The following MYO1D variants were observed in gnomAD, a reference collection of about 807,000 sequenced individuals.
The protein encoded by MYO1D is unconventional myosin-Id.
Under a neutral mutation model 122.0 loss-of-function variants are expected in MYO1D, and 83 were observed. The ratio of observed to expected loss-of-function variants is 0.68; its 90% confidence interval spans 0.57 to 0.82. The LOEUF is 0.82. MYO1D is among the 40% of genes least tolerant of loss of function. MYO1D has a pLI of 0.00. For synonymous variants in MYO1D, 464 were observed against 446.9 expected (o/e 1.04, Z -0.48); for missense variants, 1,157 against 1,269.5 (o/e 0.91, Z 1.35).
At chr17:32,507,299 G>A (rs1019651012) in intron 21 of MYO1D, among the ~76,000 whole-genome samples, 1 of 152,130 alleles carries the variant, frequency 6.6e-6, no homozygotes, top group Non-Finnish European at 1.5e-5. Context: ...AGCTACTCGG[G>A]AGGCTGAGGT....
In MYO1D at chr17:32,645,953, C is replaced by T. The variant is rs535908248; in HGVS notation, c.2596-7118G>A. 2.0e-3 allele frequency among the ~76,000 whole-genome samples: 301 copies of T among 152,268 alleles called. 1 individual carries two copies. Among genetic ancestry groups the T allele is most frequent in the South Asian group, 8.9e-3 (43 of 4,832 alleles). ...TTGTTCCATTGCTGGTGAGGAGCTG[C>T]GTTCCTTTGGAGGAGGAGAGGTGCT... is the stretch of plus-strand genomic sequence containing the variant. On this transcript the variant is annotated intron_variant, in intron 19 of 21. Coordinates refer to ENST00000318217, the MANE Select transcript of MYO1D (RefSeq NM_015194.3).
intron 1 of MYO1D, among the ~76,000 whole-genome samples, chr17:32,808,627 G>A (rs1263374231): frequency 6.6e-6 from 1 of 152,106 alleles, no homozygotes; most frequent in East Asian, 1.9e-4. Context: ...GATGGTATTT[G>A]GAGAGGGGGC....
At chr17:32,833,521 T>G (rs1323030967) in intron 1 of MYO1D, among the ~76,000 whole-genome samples, 2 of 152,182 alleles carry the variant, frequency 1.3e-5, no homozygotes, top group African/African-American at 4.8e-5. Context: ...TCCGTTAACA[T>G]GTAAGTCACA....
chr17:32,543,726 T>G (rs1370242331), intron 21 of MYO1D, among the ~76,000 whole-genome samples: 1 of 152,186 alleles, frequency 6.6e-6, no homozygotes, highest in African/African-American at 2.4e-5. Context: ...GCACAGATCT[T>G]GTAGCCCTAA....
intron 21 of MYO1D, among the ~76,000 whole-genome samples, chr17:32,599,809 C>T (rs62068384): frequency 0.083 from 12,639 of 152,156 alleles, 753 homozygotes; most frequent in South Asian, 0.27. Context: ...TGTGCCACCA[C>T]GCCTGGCTAA....
At chr17:32,743,494 A>G (rs1343302865) in intron 13 of MYO1D, among the ~76,000 whole-genome samples, 2 of 152,006 alleles carry the variant, frequency 1.3e-5, no homozygotes, top group Non-Finnish European at 2.9e-5. Flanking sequence ...CACACCACAC[A>G]TTGTCTCTAC....
At chr17:32,736,325 T>C (rs752896812) in intron 14 of MYO1D, among the ~76,000 whole-genome samples, 46 of 152,218 alleles carry the variant, frequency 3.0e-4, no homozygotes, top group Non-Finnish European at 6.0e-4. Context: ...GAAAATGTCC[T>C]TCCCAGCTTC....
chr17:32,523,068 G>T (rs1319853308), intron 21 of MYO1D, among the ~76,000 whole-genome samples: 2 of 152,188 alleles, frequency 1.3e-5, no homozygotes, highest in Non-Finnish European at 2.9e-5. Flanking sequence ...GCCCACCTTG[G>T]CCTCCCAAAG....
At chr17:32,532,953 G>T (rs1224825587) in intron 21 of MYO1D, among the ~76,000 whole-genome samples, 1 of 152,164 alleles carries the variant, frequency 6.6e-6, no homozygotes, top group South Asian at 2.1e-4. Context: ...TCAAATCATT[G>T]AATTCTGTCA....
At chr17:32,769,451 T>G (rs1270498502) in intron 6 of MYO1D, among the ~76,000 whole-genome samples, 1 of 152,174 alleles carries the variant, frequency 6.6e-6, no homozygotes, top group Non-Finnish European at 1.5e-5. Context: ...TTTCTTATTG[T>G]TTTTGGAGAC....
At chr17:32,851,889 G>C (rs562769430) in intron 1 of MYO1D, among the ~76,000 whole-genome samples, 1 of 152,156 alleles carries the variant, frequency 6.6e-6, no homozygotes, top group Non-Finnish European at 1.5e-5. Context: ...AGCCCAGCCC[G>C]GTTCCTAACA....
intron 19 of MYO1D, among the ~76,000 whole-genome samples, chr17:32,644,870 T>C (rs1000525904): frequency 6.6e-6 from 1 of 152,256 alleles, no homozygotes; most frequent in Non-Finnish European, 1.5e-5. Flanking sequence ...TTATCCAATT[T>C]GCCAGTCTGT....
At chr17:32,581,925 T>G (rs1358937809) in intron 21 of MYO1D, among the ~76,000 whole-genome samples, 24 of 152,018 alleles carry the variant, frequency 1.6e-4, no homozygotes, top group Admixed American at 1.6e-3. Context: ...CCACCACACC[T>G]GGCTAATTTT....
intron 15 of MYO1D, among the ~76,000 whole-genome samples, chr17:32,717,286 C>T (rs972493874): frequency 1.3e-5 from 2 of 152,288 alleles, no homozygotes; most frequent in African/African-American, 2.4e-5. Context: ...TAGTTAATCA[C>T]GGTCTATAAT....
At chr17:32,633,354 C>T (rs2088049098) in intron 20 of MYO1D, among the ~76,000 whole-genome samples, 1 of 150,904 alleles carries the variant, frequency 6.6e-6, no homozygotes, top group Non-Finnish European at 1.5e-5. Context: ...ATATTAGGAA[C>T]ACAAAGGAGT....
intron 1 of MYO1D, among the ~76,000 whole-genome samples, chr17:32,824,800 T>C (rs549416807): frequency 2.6e-5 from 4 of 152,190 alleles, no homozygotes; most frequent in Non-Finnish European, 4.4e-5. Context: ...AATGTATGTA[T>C]GGGTATGCAC....
At chr17:32,692,440 A>G (rs1475786572) in intron 16 of MYO1D, among the ~76,000 whole-genome samples, 1 of 152,226 alleles carries the variant, frequency 6.6e-6, no homozygotes, top group Non-Finnish European at 1.5e-5. Context: ...GCTCAATGAA[A>G]TACGTGGCAA....
chr17:32,810,539 G>A (rs143575189), intron 1 of MYO1D, among the ~76,000 whole-genome samples: 126 of 151,040 alleles, frequency 8.3e-4, no homozygotes, highest in African/African-American at 2.9e-3. Flanking sequence ...GTGCAATGGC[G>A]TGATCCTGGC....
chr17:32,658,156 T>C (rs1000943518), intron 17 of MYO1D, among the ~76,000 whole-genome samples: 3 of 152,214 alleles, frequency 2.0e-5, no homozygotes, highest in Admixed American at 6.5e-5. Flanking sequence ...TAAAAAAGCA[T>C]ATGAGATATA....
Sources: gnomAD v4.1 joint callset for allele counts (sites outside exome capture counted in the v4.1 genomes callset) on GRCh38, gnomAD v4.1.1 for gene constraint, MANE v1.5 for transcripts, NCBI Gene and HGNC (gene_info 2026-07-23, HGNC 2026-07-21) for gene names.